CSGALNACT1: variants seen among roughly 807,000 people sequenced by gnomAD.
The protein encoded by CSGALNACT1 is chondroitin sulfate N-acetylgalactosaminyltransferase 1, also known as beta4GalNAcT-1.
A neutral mutation model predicts 51.0 loss-of-function variants in CSGALNACT1; 52 were observed. The observed-to-expected ratio is 1.02, with a 90% confidence interval of 0.82 to 1.29. The LOEUF is 1.29. Ranked by LOEUF, CSGALNACT1 falls within the 50% of genes most tolerant of loss-of-function variation. The pLI, the probability that CSGALNACT1 is intolerant of heterozygous loss-of-function variation, is 0.00. For synonymous variants in CSGALNACT1, 341 were observed against 254.4 expected (o/e 1.34, Z -3.24); for missense variants, 935 against 679.2 (o/e 1.38, Z -4.19).
At chr8:19,492,740 T>C (rs1330587263) in intron 4 of CSGALNACT1, among the ~76,000 whole-genome samples, 1 of 152,224 alleles carries the variant, frequency 6.6e-6, no homozygotes, top group Admixed American at 6.5e-5. Flanking sequence ...TGCCAGTTAT[T>C]AGGCTTGAAT....
At chr8:19,481,206 C>T (rs142434855) in intron 4 of CSGALNACT1, among the ~76,000 whole-genome samples, 1 of 152,118 alleles carries the variant, frequency 6.6e-6, no homozygotes. Context: ...TGCCACCGTG[C>T]CAGTCTTCTC....
chr8:19,583,859 A>T (rs1459262989), intron 3 of CSGALNACT1, among the ~76,000 whole-genome samples: 1 of 152,190 alleles, frequency 6.6e-6, no homozygotes, highest in Non-Finnish European at 1.5e-5. Flanking sequence ...AATGCTTCCC[A>T]AATCTGTTGC....
chr8:19,412,963 C>T lies in CSGALNACT1; in HGVS notation c.1228-4269G>A, dbSNP rs1412129090. 2.6e-5 allele frequency among the ~76,000 whole-genome samples: 4 copies of T among 152,132 alleles called. No individual in the cohort carries two copies. In the South Asian group the frequency reaches 8.3e-4, roughly 31 times the overall value. On this transcript the variant is annotated intron_variant, in intron 8 of 9. Transcript: ENST00000454498. Reference sequence around the variant, plus strand: ...GAAGACAGAATGACTTGCCCAAGATCACCCAGCCAATGTTGCCAAGCCCAA... The same window carrying T: ...GAAGACAGAATGACTTGCCCAAGATTACCCAGCCAATGTTGCCAAGCCCAA...
intron 3 of CSGALNACT1, among the ~76,000 whole-genome samples, chr8:19,551,038 C>G (rs961253802): frequency 6.6e-6 from 1 of 152,212 alleles, no homozygotes; most frequent in African/African-American, 2.4e-5. Flanking sequence ...TCACATCTGT[C>G]TTCTGGCAGA....
rs34524638 is a variant in CSGALNACT1 at position 19,570,852 on chromosome 8, G to C, written c.-297+20308C>G. On this transcript the variant is annotated intron_variant, in intron 3 of 9. Transcript: ENST00000454498. ...GAACCCAGGAGGCACAGGTTGCAGT[G>C]AGCCGAGATCACGCTATTGCATAGC... 2.0e-5 allele frequency among the ~76,000 whole-genome samples: 3 copies of C among 152,126 alleles called. No individual in the cohort carries two copies. The South Asian group carries it at 6.2e-4, about 32-fold the overall frequency.
chr8:19,577,048 A>G (rs1310200339), intron 3 of CSGALNACT1, among the ~76,000 whole-genome samples: 8 of 151,068 alleles, frequency 5.3e-5, no homozygotes, highest in African/African-American at 2.0e-4. Context: ...ACCCCCTTAG[A>G]CTCTGCTCCC....
chr8:19,460,654 A>G (rs1586522310), intron 4 of CSGALNACT1, among the ~76,000 whole-genome samples: 1 of 152,210 alleles, frequency 6.6e-6, no homozygotes, highest in Non-Finnish European at 1.5e-5. Flanking sequence ...TGACACGGCA[A>G]TGGAATACAG....
At chr8:19,693,275 A>C (rs1194993244) in intron 1 of CSGALNACT1, among the ~76,000 whole-genome samples, 1 of 151,234 alleles carries the variant, frequency 6.6e-6, no homozygotes, top group Non-Finnish European at 1.5e-5. Flanking sequence ...CATGATTCCA[A>C]CTCCCAGCAG....
chr8:19,448,545 T>A (rs2062540471), intron 5 of CSGALNACT1, among the ~76,000 whole-genome samples: 1 of 152,026 alleles, frequency 6.6e-6, no homozygotes, highest in South Asian at 2.1e-4. Context: ...ATAACCACGG[T>A]AACAGAGGTA....
At chr8:19,496,416 G>A (rs1227471844) in intron 4 of CSGALNACT1, among the ~76,000 whole-genome samples, 2 of 152,094 alleles carry the variant, frequency 1.3e-5, no homozygotes, top group African/African-American at 4.8e-5. Context: ...ATGGGACTCT[G>A]CTTGATGGTT....
intron 1 of CSGALNACT1, among the ~76,000 whole-genome samples, chr8:19,671,675 G>A (rs1223252213): frequency 6.6e-6 from 1 of 152,178 alleles, no homozygotes; most frequent in African/African-American, 2.4e-5. Context: ...TGTCAAGTAT[G>A]TTAAAAGGTA....
chr8:19,667,020 G>GAAGA, intron 1 of CSGALNACT1, among the ~76,000 whole-genome samples: 1 of 27,274 alleles, frequency 3.7e-5, no homozygotes, highest in Non-Finnish European at 6.7e-5. Flanking sequence ...AGAAAGAAAG[G>GAAGA]AAGGAAGGAA....
chr8:19,471,685 G>A (rs1217933147), intron 4 of CSGALNACT1, among the ~76,000 whole-genome samples: 1 of 152,202 alleles, frequency 6.6e-6, no homozygotes, highest in East Asian at 1.9e-4. Context: ...GAGAGGAGCA[G>A]AGGAGCCTAA....
intron 1 of CSGALNACT1, among the ~76,000 whole-genome samples, chr8:19,640,223 G>A (rs2056583287): frequency 6.6e-6 from 1 of 152,298 alleles, no homozygotes; most frequent in Non-Finnish European, 1.5e-5. Flanking sequence ...ACACATCAGT[G>A]TAATATTTGT....
Position 19,418,541 on chromosome 8 carries a change from T to C in CSGALNACT1, c.1227+115A>G, listed in dbSNP as rs2057324424. On this transcript the variant is annotated intron_variant, in intron 8 of 9. Transcript: ENST00000454498. ...CAGCACATCTGCCAAACGTAAAAAC[T>C]ACTAAGGGAATCATTGCACAGATTT... 3.9e-6 allele frequency: 3 copies of C among 768,726 alleles called. No homozygotes were observed. In the African/African-American group the frequency reaches 5.2e-5, roughly 13 times the overall value. The allele number at this position is 768,726 out of a possible 1,614,324, so 47.6% of individuals were successfully genotyped here. A position where few individuals can be genotyped will look rare whatever the true frequency, so the allele number is the denominator to read the frequency against.
chr8:19,510,995 G>C (rs545517556), intron 3 of CSGALNACT1, among the ~76,000 whole-genome samples: 31 of 152,326 alleles, frequency 2.0e-4, no homozygotes, highest in African/African-American at 7.2e-4. Flanking sequence ...GGTCACGAGA[G>C]CTGTGTACTC....
At chr8:19,505,215 G>C (rs2077076801) in exon 4 of CSGALNACT1, 2 of 1,614,120 alleles carry the variant, frequency 1.2e-6, no homozygotes, top group Non-Finnish European at 1.7e-6. Flanking sequence ...TATGAAATCA[G>C]AGGCCGTGTA....
chr8:19,497,701 G>GA (rs2075727027), intron 4 of CSGALNACT1, among the ~76,000 whole-genome samples: 4 of 152,226 alleles, frequency 2.6e-5, no homozygotes, highest in Admixed American at 2.6e-4. Flanking sequence ...TCTGTGAAAG[G>GA]AAAATAAATC....
At chr8:19,510,852 G>T (rs535923852) in intron 3 of CSGALNACT1, among the ~76,000 whole-genome samples, 2 of 152,222 alleles carry the variant, frequency 1.3e-5, no homozygotes, top group Admixed American at 6.5e-5. Context: ...AACAAAGGCA[G>T]GTCAGGTTTG....
Sources: gnomAD v4.1 joint callset for allele counts (sites outside exome capture counted in the v4.1 genomes callset) on GRCh38, gnomAD v4.1.1 for gene constraint, MANE v1.5 for transcripts, NCBI Gene and HGNC (gene_info 2026-07-23, HGNC 2026-07-21) for gene names.